DIAPH2: variants seen among roughly 807,000 people sequenced by gnomAD.
DIAPH2 encodes diaphanous related formin 2.
In DIAPH2, 35 loss-of-function variants were observed where a neutral mutation model predicts 92.7. The observed-to-expected ratio is 0.38, with a 90% CI of 0.29 to 0.50. DIAPH2 has a LOEUF of 0.50. Among genes scored for constraint, DIAPH2 ranks in the 20% least tolerant of loss-of-function variants. DIAPH2 has a pLI of 0.94. For missense variants in DIAPH2, 701 were observed against 819.5 expected (o/e 0.86, Z 1.77); for synonymous variants, 301 against 280.4 (o/e 1.07, Z -0.73).
At chrX:97,110,326 C>G (rs964436581) in intron 20 of DIAPH2, among the ~76,000 whole-genome samples, 1 of 111,530 alleles carries the variant, frequency 9.0e-6, no homozygotes, top group Non-Finnish European at 1.9e-5. Context: ...ATACTTCTAA[C>G]CCCTAGAACT....
At chrX:96,992,285 T>C (rs1157424148) in intron 17 of DIAPH2, among the ~76,000 whole-genome samples, 1 of 111,581 alleles carries the variant, frequency 9.0e-6, no homozygotes, top group African/African-American at 3.3e-5. Context: ...TAGTTGGCAT[T>C]AAACCTCAAT....
intron 26 of DIAPH2, among the ~76,000 whole-genome samples, chrX:97,482,365 T>A (rs909493538): frequency 8.9e-6 from 1 of 112,611 alleles, no homozygotes; most frequent in African/African-American, 3.2e-5. Flanking sequence ...CCCGAATGAA[T>A]AAGGATGCAA....
chrX:97,307,283 A>T (rs2068754843), intron 23 of DIAPH2, among the ~76,000 whole-genome samples: 1 of 112,108 alleles, frequency 8.9e-6, no homozygotes, highest in South Asian at 3.7e-4. Flanking sequence ...TTTATGCAAA[A>T]GCTTGAAGCA....
chrX:97,264,656 C>G (rs750278068), intron 23 of DIAPH2, among the ~76,000 whole-genome samples: 20 of 112,396 alleles, frequency 1.8e-4, no homozygotes, highest in African/African-American at 6.1e-4. Flanking sequence ...TTCTTACCCT[C>G]AAGGAATTCA....
chrX:97,106,704 C>T (rs775597962), intron 20 of DIAPH2, among the ~76,000 whole-genome samples: 58 of 111,021 alleles, frequency 5.2e-4, no homozygotes, highest in Non-Finnish European at 9.6e-4. Flanking sequence ...GAGGCTGAGG[C>T]GGGTGGATCA....
intron 4 of DIAPH2, among the ~76,000 whole-genome samples, chrX:96,847,266 A>G (rs1402423607): frequency 2.7e-5 from 3 of 112,203 alleles, no homozygotes; most frequent in African/African-American, 9.7e-5. Flanking sequence ...GCTGTGATAA[A>G]GGCATGAAAT....
At chrX:97,185,170 C>T (rs1395725332) in intron 22 of DIAPH2, among the ~76,000 whole-genome samples, 4 of 95,218 alleles carry the variant, frequency 4.2e-5, no homozygotes, top group Non-Finnish European at 4.1e-5. Flanking sequence ...ATTATAGGCA[C>T]CCGTCACCAA....
intron 4 of DIAPH2, among the ~76,000 whole-genome samples, chrX:96,803,415 T>C (rs2064599309): frequency 1.8e-5 from 2 of 111,908 alleles, no homozygotes; most frequent in South Asian, 7.4e-4. Flanking sequence ...TCTGATATGT[T>C]AGCCCCTAAT....
At chrX:96,833,031 A>AACAC (rs990490895) in intron 4 of DIAPH2, among the ~76,000 whole-genome samples, 3 of 111,462 alleles carry the variant, frequency 2.7e-5, no homozygotes, top group Non-Finnish European at 1.9e-5. Flanking sequence ...GTGTGACACC[A>AACAC]ACACACACAT....
intron 25 of DIAPH2, among the ~76,000 whole-genome samples, chrX:97,421,994 T>G (rs2070013574): frequency 8.9e-6 from 1 of 111,745 alleles, no homozygotes; most frequent in African/African-American, 3.2e-5. Flanking sequence ...TTTTACCCCC[T>G]TAAAATTATG....
chrX:97,197,799 C>T (rs897733724), intron 22 of DIAPH2, among the ~76,000 whole-genome samples: 1 of 111,812 alleles, frequency 8.9e-6, no homozygotes, highest in African/African-American at 3.2e-5. Context: ...TTGAAGTGTT[C>T]AGGTCATTTT....
chrX:97,276,367 C>T (rs1005878964), intron 23 of DIAPH2, among the ~76,000 whole-genome samples: 22 of 111,466 alleles, frequency 2.0e-4, no homozygotes, highest in Admixed American at 1.7e-3. Context: ...ATTCCTAAAA[C>T]TATATGTGGT....
intron 22 of DIAPH2, among the ~76,000 whole-genome samples, chrX:97,239,914 C>G (rs2068079641): frequency 9.1e-6 from 1 of 109,295 alleles, no homozygotes; most frequent in African/African-American, 3.3e-5. Flanking sequence ...CACCCCCTAC[C>G]TGAGAAATAT....
chrX:97,359,987 TG>T (rs2069308881), intron 24 of DIAPH2, among the ~76,000 whole-genome samples: 1 of 111,820 alleles, frequency 8.9e-6, no homozygotes, highest in South Asian at 3.8e-4. Flanking sequence ...ACATTGTTCA[TG>T]GGGTATTGGG....
Position 97,336,150 on chromosome X carries a change from GGCCTACC to G in DIAPH2, c.2845-11965_2845-11959del, listed in dbSNP as rs201856665. Reference sequence around the variant, plus strand: ...TTTCAAGAAGCATTTCCAGACTCATGGCCTACCCCTGTCCCCCACAAGTCTATTAAGT... The same window carrying G: ...TTTCAAGAAGCATTTCCAGACTCATGCCTGTCCCCCACAAGTCTATTAAGT... On this transcript the variant is annotated intron_variant, in intron 23 of 26. Coordinates refer to ENST00000324765, the MANE Select transcript of DIAPH2 (RefSeq NM_006729.5). 4.0e-3 allele frequency among the ~76,000 whole-genome samples: 448 copies of G among 110,722 alleles called. 3 individuals carry two copies. Among genetic ancestry groups the G allele is most frequent in the African/African-American group, 0.013 (389 of 30,514 alleles).
At chrX:97,446,093 A>ATT (rs2070307877) in intron 26 of DIAPH2, among the ~76,000 whole-genome samples, 1 of 111,307 alleles carries the variant, frequency 9.0e-6, no homozygotes, top group East Asian at 2.8e-4. Context: ...TCACCACTGG[A>ATT]ATTTACAAGT....
At chrX:97,583,704 A>T (rs1199643544) in intron 26 of DIAPH2, among the ~76,000 whole-genome samples, 7 of 111,351 alleles carry the variant, frequency 6.3e-5, no homozygotes, top group African/African-American at 2.3e-4. Context: ...GGCTCCACCC[A>T]GTTCGAGCTT....
At chrX:97,095,098 CTTTTTTTTTTTTTTTTTTTTT>C (rs61350837) in intron 19 of DIAPH2, among the ~76,000 whole-genome samples, 22 of 22,412 alleles carry the variant, frequency 9.8e-4, no homozygotes, top group Non-Finnish European at 1.8e-3. Context: ...GTTTCTTTTT[CTTTTTTTTTTTTTTTTTTTTT>C]TTTTTTTTTT....
intron 22 of DIAPH2, among the ~76,000 whole-genome samples, chrX:97,230,914 A>G (rs1451949987): frequency 2.7e-5 from 3 of 112,322 alleles, no homozygotes; most frequent in African/African-American, 9.7e-5. Context: ...TTCTACAGGT[A>G]TGAAAACTGA....
Sources: gnomAD v4.1 joint callset for allele counts (sites outside exome capture counted in the v4.1 genomes callset) on GRCh38, gnomAD v4.1.1 for gene constraint, MANE v1.5 for transcripts, NCBI Gene and HGNC (gene_info 2026-07-23, HGNC 2026-07-21) for gene names.